THBS4: variants seen among roughly 807,000 people sequenced by gnomAD.
The protein encoded by THBS4 is thrombospondin-4.
A neutral mutation model predicts 115.7 loss-of-function variants in THBS4; 90 were observed. The observed-to-expected ratio is 0.78, with a 90% confidence interval of 0.66 to 0.93. The LOEUF is 0.93. THBS4 is among the 40% of genes least tolerant of loss of function. The pLI is 0.00. For missense variants in THBS4, 1,087 were observed against 1,232.7 expected, an observed-to-expected ratio of 0.88 and a Z score of 1.77; for synonymous variants, 460 against 479.3, an observed-to-expected ratio of 0.96 and a Z score of 0.53.
Position 80,079,263 on chromosome 5 carries a change from T to G in THBS4, c.2511+5T>G, listed in dbSNP as rs746538329. 1 of 1,597,360 alleles carries G rather than the reference T, an allele frequency of 6.3e-7. No individual in the cohort carries two copies. The highest frequency in any genetic ancestry group is 1.1e-5 in the South Asian group (1 of 88,692). ...GAACCTGGCATTCAGCTCAAGGTATTGGTGGTTTGAAGTCATTCATCTCCC... is the reference window on the plus strand; with the variant it reads ...GAACCTGGCATTCAGCTCAAGGTATGGGTGGTTTGAAGTCATTCATCTCCC... On this transcript the variant is annotated splice_donor_5th_base_variant and intron_variant, in intron 19 of 21. Transcript: ENST00000350881.
intron 8 of THBS4, 56 bp from the exon 9 acceptor site, chr5:80,065,353 C>T (rs567078576): frequency 6.8e-7 from 1 of 1,465,498 alleles, no homozygotes; most frequent in African/African-American, 1.4e-5. Context: ...GATTTATTTG[C>T]ATTTCTATTT....
intron 2 of THBS4, among the ~76,000 whole-genome samples, chr5:80,006,632 T>G (rs2434309): frequency 6.6e-6 from 1 of 152,032 alleles, no homozygotes; most frequent in African/African-American, 2.4e-5. Context: ...TGGACACTTC[T>G]CCACACTGGA....
intron 2 of THBS4, among the ~76,000 whole-genome samples, chr5:80,050,563 G>C (rs1833223150): frequency 6.6e-6 from 1 of 152,180 alleles, no homozygotes; most frequent in South Asian, 2.1e-4. Flanking sequence ...CCCCCAATTT[G>C]GAGGTATTTG....
At chr5:80,029,051 A>G (rs1228291787) in intron 2 of THBS4, among the ~76,000 whole-genome samples, 1 of 152,204 alleles carries the variant, frequency 6.6e-6, no homozygotes, top group African/African-American at 2.4e-5. Context: ...CAGGAAATGA[A>G]GTAATACTAT....
chr5:80,080,752 A>C (rs1030846024), intron 20 of THBS4, among the ~76,000 whole-genome samples: 1 of 151,660 alleles, frequency 6.6e-6, no homozygotes, highest in South Asian at 2.1e-4. Flanking sequence ...ACGCCAGGCT[A>C]ATTTTTGTAT....
At chr5:79,992,954 G>A (rs1308548525) in intron 1 of THBS4, among the ~76,000 whole-genome samples, 1 of 152,146 alleles carries the variant, frequency 6.6e-6, no homozygotes, top group African/African-American at 2.4e-5. Context: ...CAAAGGCAAG[G>A]CAGGGGGAAA....
At chr5:80,077,160 G>T in intron 16 of THBS4, 112 bp downstream of exon 16, 1 of 1,050,692 alleles carries the variant, frequency 9.5e-7, no homozygotes, top group South Asian at 1.9e-5. Flanking sequence ...GCTCCCATCA[G>T]CTGCTTCTCT....
At chr5:80,051,253 C>G (rs1217669448) in intron 2 of THBS4, among the ~76,000 whole-genome samples, 1 of 152,178 alleles carries the variant, frequency 6.6e-6, no homozygotes, top group Non-Finnish European at 1.5e-5. Flanking sequence ...TCTGCTTTTT[C>G]CAGACTCCAT....
chr5:80,074,674 C>T (rs536947621), intron 15 of THBS4, among the ~76,000 whole-genome samples: 97 of 150,046 alleles, frequency 6.5e-4, no homozygotes, highest in Non-Finnish European at 1.2e-3. Flanking sequence ...CCCAGGCTGG[C>T]GTGATCTCGG....
chr5:79,992,313 G>C (rs372223007), intron 1 of THBS4, among the ~76,000 whole-genome samples: 1 of 152,116 alleles, frequency 6.6e-6, no homozygotes, highest in Non-Finnish European at 1.5e-5. Flanking sequence ...GGACACCCTC[G>C]CAGTCATGCC....
At chr5:80,025,853 A>C (rs116672470) in intron 2 of THBS4, among the ~76,000 whole-genome samples, 2 of 152,114 alleles carry the variant, frequency 1.3e-5, no homozygotes, top group Non-Finnish European at 2.9e-5. Flanking sequence ...TGTTACATCT[A>C]TTTTCCTTTC....
intron 2 of THBS4, among the ~76,000 whole-genome samples, chr5:80,043,210 A>G (rs1832959524): frequency 6.6e-6 from 1 of 152,204 alleles, no homozygotes; most frequent in Non-Finnish European, 1.5e-5. Flanking sequence ...TCACTGGAGC[A>G]GTCGGAAAAA....
intron 2 of THBS4, among the ~76,000 whole-genome samples, chr5:80,003,410 T>C (rs1831949056): frequency 1.3e-5 from 2 of 152,232 alleles, no homozygotes; most frequent in South Asian, 4.1e-4. Context: ...GTTTTGAACC[T>C]AGTGAGCTTT....
upstream of THBS4, among the ~76,000 whole-genome samples, chr5:80,034,937 G>T (rs867059603): frequency 3.3e-5 from 5 of 152,184 alleles, no homozygotes; most frequent in South Asian, 8.3e-4. Flanking sequence ...ATTCAAAGCC[G>T]ATCCAAAGGA....
upstream of THBS4, among the ~76,000 whole-genome samples, chr5:80,030,404 G>A (rs1352646334): frequency 2.6e-5 from 4 of 151,882 alleles, no homozygotes; most frequent in Admixed American, 2.0e-4. Flanking sequence ...GTCTCACACT[G>A]TTGCCTGGGC....
chr5:80,071,995 G>A, intron 13 of THBS4: 1 of 349,374 alleles, frequency 2.9e-6, no homozygotes, highest in Non-Finnish European at 5.5e-6. Flanking sequence ...CCCTCTCCAG[G>A]GTCAGCCATA....
At chr5:80,017,232 C>A (rs892470628) in intron 2 of THBS4, among the ~76,000 whole-genome samples, 4 of 152,040 alleles carry the variant, frequency 2.6e-5, no homozygotes, top group African/African-American at 7.2e-5. Flanking sequence ...AGAAAACCTC[C>A]CCAAATAAAG....
intron 19 of THBS4, 46 bp from the exon 20 acceptor site, chr5:80,079,856 GGGT>G: frequency 6.3e-7 from 1 of 1,575,056 alleles, no homozygotes; most frequent in Non-Finnish European, 8.7e-7. Context: ...GAAGCAGGAA[GGGT>G]GGTGCCTGTG....
At chr5:80,055,322 TAA>T (rs56014842) in intron 2 of THBS4, among the ~76,000 whole-genome samples, 20 of 139,852 alleles carry the variant, frequency 1.4e-4, no homozygotes, top group Admixed American at 3.6e-4. Flanking sequence ...ATCCTGTCTT[TAA>T]AAAAAAAAAA....
Sources: allele counts gnomAD v4.1 joint callset (sites outside exome capture counted in the v4.1 genomes callset), GRCh38; gene constraint gnomAD v4.1.1; transcripts MANE v1.5; gene names NCBI Gene and HGNC (gene_info 2026-07-23, HGNC 2026-07-21).